KDM7A: variants seen among roughly 807,000 people sequenced by gnomAD.
The protein encoded by KDM7A is lysine-specific demethylase 7A.
KDM7A carries 28 observed loss-of-function variants against 114.8 expected under a neutral mutation model. The ratio of observed to expected loss-of-function variants is 0.24; its 90% CI spans 0.18 to 0.33. KDM7A has a LOEUF of 0.33. Ranked by LOEUF, KDM7A falls within the 10% of genes least tolerant of loss-of-function variation. KDM7A has a pLI of 1.00. For missense variants in KDM7A, 942 were observed against 1,142.5 expected (o/e 0.82, Z 2.53); for synonymous variants, 423 against 397.8 (o/e 1.06, Z -0.75).
At chr7:140,116,774 CAA>C (rs1818538162) in intron 9 of KDM7A, among the ~76,000 whole-genome samples, 1 of 152,044 alleles carries the variant, frequency 6.6e-6, no homozygotes, top group Non-Finnish European at 1.5e-5. Flanking sequence ...CTAAAACAAA[CAA>C]AATATATTAG....
rs146011171 is a variant in KDM7A at position 140,168,325 on chromosome 7, G to A, written c.194+8419C>T. Among the ~76,000 whole-genome samples the A allele has an allele frequency of 7.9e-3, 1,195 of 152,218 alleles. 6 individuals carry two copies. The highest frequency in any genetic ancestry group is 0.013 in the Admixed American group (201 of 15,290). ...TCATACCTGTAATCCCAGCACTTTG[G>A]AAGGCCAAGGTGGGCAGATCACCTG... On this transcript the variant is annotated intron_variant, in intron 1 of 19. Coordinates refer to ENST00000397560, the MANE Select transcript of KDM7A (RefSeq NM_030647.2).
At chr7:140,120,242 T>C (rs1031751064) in intron 8 of KDM7A, among the ~76,000 whole-genome samples, 200 bp downstream of exon 8, 1 of 152,220 alleles carries the variant, frequency 6.6e-6, no homozygotes, top group African/African-American at 2.4e-5. Context: ...GTTGTTGTTT[T>C]AGATTTGAAA....
chr7:140,132,158 T>C (rs925382782), intron 3 of KDM7A, among the ~76,000 whole-genome samples: 2 of 152,226 alleles, frequency 1.3e-5, no homozygotes, highest in Non-Finnish European at 2.9e-5. Context: ...CACCTCTGTG[T>C]TAATCATATC....
At chr7:140,114,349 T>C (rs1818480515) in intron 9 of KDM7A, among the ~76,000 whole-genome samples, 1 of 152,130 alleles carries the variant, frequency 6.6e-6, no homozygotes, top group Non-Finnish European at 1.5e-5. Flanking sequence ...CGTATTTTTT[T>C]GGTGGAGACG....
rs1383622525 is a variant in KDM7A, at chr7:140,089,605, C to T, written c.*1489G>A. The T allele has an allele frequency of 6.6e-6, 1 of 152,092 alleles. No homozygotes were observed. The highest frequency in any genetic ancestry group is 1.5e-5 in the Non-Finnish European group (1 of 67,998). The allele number at this position is 152,092 out of a possible 1,614,324, so 9.4% of individuals were successfully genotyped here. A position where few individuals can be genotyped will look rare whatever the true frequency, so the allele number is the denominator to read the frequency against. On this transcript the variant is annotated 3_prime_UTR_variant, in exon 20 of 20. Transcript: ENST00000397560. ...AATGCTCTATTGTCAGACTTGGGAA[C>T]ATTTCTGCCCCACCCCCAGAAATCA...
At chr7:140,142,319 TA>T in intron 1 of KDM7A, among the ~76,000 whole-genome samples, 1 of 150,980 alleles carries the variant, frequency 6.6e-6, no homozygotes, top group Admixed American at 6.6e-5. Context: ...TTCATTAAAC[TA>T]TAAAGAGTGA....
At position 140,088,603 on chromosome 7, in the gene KDM7A, C is replaced by T. The variant is rs995732793; in HGVS notation, c.*2491G>A. 8 of 397,488 alleles carry T rather than the reference C, an allele frequency of 2.0e-5. No individual in the cohort carries two copies. Among genetic ancestry groups the T allele is most frequent in the Admixed American group, 4.4e-5 (1 of 22,694 alleles). 24.6% of individuals were successfully genotyped at this position (397,488 alleles called of 1,614,324 possible). ...CATTATGGCCAGTAATGTTATAAGA[C>T]GTTTGACCAGGAGTCACTGGATCAG... On this transcript the variant is annotated 3_prime_UTR_variant, in exon 20 of 20. Transcript: ENST00000397560.
At chr7:140,093,041 A>G in intron 18 of KDM7A, among the ~76,000 whole-genome samples, 1 of 152,242 alleles carries the variant, frequency 6.6e-6, no homozygotes, top group South Asian at 2.1e-4. Context: ...AATTGCTTAA[A>G]TATTTAGAAA....
chr7:140,166,761 A>G (rs908356019), intron 1 of KDM7A, among the ~76,000 whole-genome samples: 12 of 152,102 alleles, frequency 7.9e-5, no homozygotes, highest in African/African-American at 2.7e-4. Context: ...CCACTATTCA[A>G]CTCTATACGA....
intron 1 of KDM7A, among the ~76,000 whole-genome samples, chr7:140,160,260 A>G (rs1341127911): frequency 6.6e-6 from 1 of 152,218 alleles, no homozygotes; most frequent in Non-Finnish European, 1.5e-5. Context: ...GAAAGCCTGA[A>G]ATGTGATGGT....
intron 9 of KDM7A, among the ~76,000 whole-genome samples, chr7:140,114,404 G>A (rs1249160694): frequency 1.3e-5 from 2 of 152,130 alleles, no homozygotes; most frequent in African/African-American, 4.8e-5. Context: ...TCCTAACCGC[G>A]AGTGATCTGC....
chr7:140,155,788 G>A (rs1369885231), intron 1 of KDM7A, among the ~76,000 whole-genome samples: 1 of 152,218 alleles, frequency 6.6e-6, no homozygotes, highest in Admixed American at 6.5e-5. Context: ...GTGATACTTA[G>A]TCAACAAAAT....
intron 11 of KDM7A, among the ~76,000 whole-genome samples, chr7:140,102,474 C>T (rs1407830581): frequency 6.6e-6 from 1 of 152,054 alleles, no homozygotes; most frequent in Non-Finnish European, 1.5e-5. Context: ...TCTCCACCTC[C>T]TGAGCTCAAG....
intron 1 of KDM7A, among the ~76,000 whole-genome samples, chr7:140,144,775 G>C (rs528827878): frequency 6.6e-6 from 1 of 152,024 alleles, no homozygotes; most frequent in African/African-American, 2.4e-5. Context: ...GTTGGAGGTG[G>C]AGCCCGGTGT....
intron 17 of KDM7A, among the ~76,000 whole-genome samples, chr7:140,094,983 G>T (rs946258139): frequency 6.6e-6 from 1 of 152,186 alleles, no homozygotes; most frequent in Non-Finnish European, 1.5e-5. Context: ...AAGTAGCTAG[G>T]ATTACAGGCA....
chr7:140,136,639 A>G (rs191988679), intron 2 of KDM7A, among the ~76,000 whole-genome samples: 13 of 152,366 alleles, frequency 8.5e-5, no homozygotes, highest in African/African-American at 2.6e-4. Flanking sequence ...TGAAGTAGTT[A>G]TTATACTGGC....
intron 11 of KDM7A, among the ~76,000 whole-genome samples, chr7:140,109,821 T>C (rs899441323): frequency 6.6e-6 from 1 of 152,212 alleles, no homozygotes; most frequent in Non-Finnish European, 1.5e-5. Flanking sequence ...CAGCGCCACA[T>C]AACATATTGT....
intron 1 of KDM7A, among the ~76,000 whole-genome samples, chr7:140,173,054 T>C (rs981515429): frequency 1.3e-5 from 2 of 152,114 alleles, no homozygotes; most frequent in African/African-American, 4.8e-5. Flanking sequence ...ACAATTCAAT[T>C]AGGGCAGTGA....
intron 7 of KDM7A, 54 bp downstream of exon 7, chr7:140,124,567 C>A: frequency 1.5e-6 from 2 of 1,375,644 alleles, no homozygotes; most frequent in Admixed American, 2.4e-5. Context: ...AGTTAAAAGC[C>A]AACTCCATGT....
Sources: allele counts gnomAD v4.1 joint callset (sites outside exome capture counted in the v4.1 genomes callset), GRCh38; gene constraint gnomAD v4.1.1; transcripts MANE v1.5; gene names NCBI Gene and HGNC (gene_info 2026-07-23, HGNC 2026-07-21).